Variants in UBE2E2 observed in about 807,000 individuals in gnomAD.
UBE2E2 encodes ubiquitin-conjugating enzyme E2 E2.
A neutral mutation model predicts 24.7 loss-of-function variants in UBE2E2; 6 were observed. The ratio of observed to expected loss-of-function variants is 0.24; its 90% confidence interval spans 0.13 to 0.48. The LOEUF (loss-of-function observed/expected upper bound fraction) is 0.48, where lower values mean the gene tolerates loss of function less well. Among genes scored for constraint, UBE2E2 ranks in the 20% least tolerant of loss-of-function variants. UBE2E2 has a pLI of 0.99. For synonymous variants in UBE2E2, 104 were observed against 83.6 expected, an observed-to-expected ratio of 1.24 and a Z score of -1.33; for missense variants, 169 against 245.0, an observed-to-expected ratio of 0.69 and a Z score of 2.07.
Position 23,286,978 on chromosome 3 carries a change from T to A in UBE2E2, c.227+69666T>A, listed in dbSNP as rs150088740. On this transcript the variant is annotated intron_variant, in intron 3 of 5. Coordinates refer to ENST00000396703, the MANE Select transcript of UBE2E2 (RefSeq NM_152653.4). ...TTGGCATATGGAGATGCTTTTATAG[T>A]GGTGAAAGTGGGTATCCTTTTTATG... is the stretch of plus-strand genomic sequence containing the variant. Among the ~76,000 whole-genome samples the A allele has an allele frequency of 2.3e-3, 356 of 152,272 alleles. 3 individuals are homozygous for A. Among genetic ancestry groups the A allele is most frequent in the African/African-American group, 8.2e-3 (340 of 41,578 alleles).
chr3:23,520,774 C>T (rs997889756), intron 4 of UBE2E2, among the ~76,000 whole-genome samples: 2 of 152,132 alleles, frequency 1.3e-5, no homozygotes, highest in South Asian at 4.1e-4. Flanking sequence ...TCCCAAGTAG[C>T]TAGTAATACA....
intron 3 of UBE2E2, chr3:23,389,637 T>C (rs1696887943): frequency 1.9e-5 from 5 of 266,204 alleles, no homozygotes; most frequent in Non-Finnish European, 3.9e-5. Flanking sequence ...TTTTGTCTTA[T>C]TTTGCCCTTT....
At chr3:23,415,698 A>G (rs1393830949) in intron 3 of UBE2E2, among the ~76,000 whole-genome samples, 1 of 152,200 alleles carries the variant, frequency 6.6e-6, no homozygotes, top group East Asian at 1.9e-4. Context: ...TTTGTAGGTC[A>G]TATCAGTAAA....
intron 3 of UBE2E2, among the ~76,000 whole-genome samples, chr3:23,386,209 G>C (rs1349234958): frequency 7.2e-5 from 11 of 152,152 alleles, no homozygotes; most frequent in Non-Finnish European, 1.6e-4. Context: ...TTTTTCTGGA[G>C]GCTGGGAAGT....
chr3:23,476,938 G>T (rs1169748402), intron 3 of UBE2E2, among the ~76,000 whole-genome samples: 1 of 152,050 alleles, frequency 6.6e-6, no homozygotes, highest in South Asian at 2.1e-4. Context: ...CTAGAAGTTT[G>T]TGTTAAGTTC....
intron 3 of UBE2E2, among the ~76,000 whole-genome samples, chr3:23,373,976 C>G (rs1232531385): frequency 6.6e-6 from 1 of 152,014 alleles, no homozygotes. Context: ...AAAATCAAAA[C>G]AAAAAACCTC....
intron 3 of UBE2E2, among the ~76,000 whole-genome samples, chr3:23,450,289 C>G (rs1698533592): frequency 6.6e-6 from 1 of 152,158 alleles, no homozygotes; most frequent in East Asian, 1.9e-4. Flanking sequence ...GAAATGTTCT[C>G]TCTCTGTGCT....
At chr3:23,367,801 C>T (rs1696301114) in intron 3 of UBE2E2, among the ~76,000 whole-genome samples, 1 of 152,188 alleles carries the variant, frequency 6.6e-6, no homozygotes, top group Admixed American at 6.5e-5. Flanking sequence ...GTGGACTGAG[C>T]CCTCACTTTG....
At chr3:23,208,651 G>C (rs1413383016) in intron 1 of UBE2E2, 41 bp from the exon 2 acceptor site, 2 of 1,521,318 alleles carry the variant, frequency 1.3e-6, no homozygotes, top group Non-Finnish European at 1.8e-6. Flanking sequence ...GTAGCTTACT[G>C]TAGTACAGCT....
intron 4 of UBE2E2, among the ~76,000 whole-genome samples, chr3:23,518,452 A>T (rs1024506103): frequency 2.6e-5 from 4 of 152,250 alleles, no homozygotes; most frequent in Non-Finnish European, 4.4e-5. Context: ...AATGCTTGCC[A>T]CGAAGGCAGA....
intron 3 of UBE2E2, among the ~76,000 whole-genome samples, chr3:23,432,911 TAAG>T (rs1477317023): frequency 3.3e-5 from 5 of 151,848 alleles, no homozygotes; most frequent in Non-Finnish European, 5.9e-5. Flanking sequence ...TGTGGTTCTA[TAAG>T]AATAGACACT....
chr3:23,218,157 G>A (rs1696530215), intron 3 of UBE2E2, among the ~76,000 whole-genome samples: 1 of 152,048 alleles, frequency 6.6e-6, no homozygotes, highest in Non-Finnish European at 1.5e-5. Flanking sequence ...AGAATTTATT[G>A]CTTGGTATGA....
At chr3:23,367,926 C>G (rs1696304231) in intron 3 of UBE2E2, among the ~76,000 whole-genome samples, 1 of 152,136 alleles carries the variant, frequency 6.6e-6, no homozygotes, top group African/African-American at 2.4e-5. Context: ...ACTCTTCACA[C>G]ATTTGCTCAC....
At chr3:23,247,297 T>A (rs1697438145) in intron 3 of UBE2E2, among the ~76,000 whole-genome samples, 1 of 152,220 alleles carries the variant, frequency 6.6e-6, no homozygotes, top group African/African-American at 2.4e-5. Flanking sequence ...TCTTATTTTT[T>A]ATTATCTGAT....
chr3:23,500,481 T>G (rs1699697201), intron 4 of UBE2E2, among the ~76,000 whole-genome samples: 1 of 152,216 alleles, frequency 6.6e-6, no homozygotes, highest in Non-Finnish European at 1.5e-5. Flanking sequence ...GTTTTAAATA[T>G]TGTGTCGTCT....
At chr3:23,519,383 T>C (rs764713210) in intron 4 of UBE2E2, among the ~76,000 whole-genome samples, 6 of 152,214 alleles carry the variant, frequency 3.9e-5, no homozygotes, top group Non-Finnish European at 7.3e-5. Context: ...TTTCAAATAT[T>C]TAATAAAAGT....
chr3:23,277,183 A>G (rs1698391717), intron 3 of UBE2E2, among the ~76,000 whole-genome samples: 1 of 152,132 alleles, frequency 6.6e-6, no homozygotes, highest in African/African-American at 2.4e-5. Context: ...GGAGAATAAA[A>G]TCAGTTTTTT....
intron 3 of UBE2E2, among the ~76,000 whole-genome samples, chr3:23,478,951 A>C (rs1326850006): frequency 6.6e-6 from 1 of 151,654 alleles, no homozygotes; most frequent in African/African-American, 2.4e-5. Flanking sequence ...CCAGCTACTC[A>C]AGAGGTTGAG....
intron 5 of UBE2E2, among the ~76,000 whole-genome samples, chr3:23,579,825 A>G (rs1002500240): frequency 6.6e-6 from 1 of 152,248 alleles, no homozygotes; most frequent in Non-Finnish European, 1.5e-5. Flanking sequence ...TCTGTGTGCC[A>G]TTAAGAACAT....
Sources: allele counts gnomAD v4.1 joint callset (sites outside exome capture counted in the v4.1 genomes callset), GRCh38; gene constraint gnomAD v4.1.1; transcripts MANE v1.5; gene names NCBI Gene and HGNC (gene_info 2026-07-23, HGNC 2026-07-21).